SPAM1: variants seen among roughly 807,000 people sequenced by gnomAD.
SPAM1 encodes sperm adhesion molecule 1.
In SPAM1, 22 loss-of-function variants were observed where a neutral mutation model predicts 29.6. The observed-to-expected ratio is 0.74, with a 90% CI of 0.53 to 1.06. The LOEUF (loss-of-function observed/expected upper bound fraction) is 1.06, where lower values mean the gene tolerates loss of function less well. Ranked by LOEUF, SPAM1 falls within the 50% of genes least tolerant of loss-of-function variation. The pLI, the probability that SPAM1 is intolerant of heterozygous loss-of-function variation, is 0.00. For missense variants in SPAM1, 534 were observed against 604.0 expected (o/e 0.88, Z 1.21); for synonymous variants, 194 against 204.6 (o/e 0.95, Z 0.44).
chr7:123,929,608 C>T (rs2117016197), intron 1 of SPAM1, among the ~76,000 whole-genome samples: 1 of 152,118 alleles, frequency 6.6e-6, no homozygotes, highest in East Asian at 1.9e-4. Flanking sequence ...GTCCAGAGGA[C>T]ATGAATTCTT....
chr7:123,970,936 G>A (rs982343757), intron 6 of SPAM1: 10 of 151,920 alleles, frequency 6.6e-5, no homozygotes, highest in African/African-American at 1.9e-4. Flanking sequence ...TTTGAACTCA[G>A]TTTTAAAATT....
intron 6 of SPAM1, chr7:123,970,323 A>T: frequency 6.7e-7 from 1 of 1,500,286 alleles, no homozygotes; most frequent in Non-Finnish European, 9.0e-7. Context: ...TGTGTCTTCC[A>T]TATGTTTCTG....
At chr7:123,940,203 AT>A (rs1339447045) in intron 1 of SPAM1, among the ~76,000 whole-genome samples, 3 of 152,020 alleles carry the variant, frequency 2.0e-5, no homozygotes, top group African/African-American at 4.8e-5. Flanking sequence ...GTTTAGTGAA[AT>A]TTAAAGTATA....
At chr7:123,932,033 A>G (rs561480224) in intron 1 of SPAM1, 1 of 152,314 alleles carries the variant, frequency 6.6e-6, no homozygotes, top group East Asian at 1.9e-4. Flanking sequence ...AATGACACAA[A>G]AGACAGAGAC....
chr7:123,959,770 AG>A lies in SPAM1; in HGVS notation c.1333del (p.Glu445ArgfsTer5). 1 of 1,613,256 alleles carries A rather than the reference AG, an allele frequency of 6.2e-7. No individual in the cohort carries two copies. Among genetic ancestry groups the A allele is most frequent in the African/African-American group, 1.3e-5 (1 of 74,990 alleles). ...AGCTGTTATAGCACCTTGAGTTGTA[AG>A]GAGAAAGCTGATGTAAAAGACACTG... ...YCSCYSTLSCKEKADVKDTDA... is the reference protein window; with the variant it reads ...YCSCYSTLSCXEKADVKDTDA... On this transcript the variant is annotated frameshift_variant, in exon 5 of 5. Transcript: ENST00000682466. LOFTEE classifies it low-confidence loss of function (END_TRUNC).
intron 5 of SPAM1, among the ~76,000 whole-genome samples, chr7:123,965,508 A>G (rs7797413): frequency 0.2 from 30,978 of 151,914 alleles, 4,032 homozygotes; most frequent in African/African-American, 0.37. Context: ...TCCAGTTTCA[A>G]TTTTCTGCAT....
intron 1 of SPAM1, among the ~76,000 whole-genome samples, chr7:123,938,710 T>C (rs1340463320): frequency 6.6e-6 from 1 of 152,226 alleles, no homozygotes; most frequent in Non-Finnish European, 1.5e-5. Flanking sequence ...GTCATCTGAC[T>C]GGTCGAGAGA....
At chr7:123,930,460 C>T (rs1445087791) in intron 1 of SPAM1, among the ~76,000 whole-genome samples, 1 of 152,142 alleles carries the variant, frequency 6.6e-6, no homozygotes, top group Non-Finnish European at 1.5e-5. Flanking sequence ...TCCAAAAAGC[C>T]ACTCCCAAAA....
At chr7:123,944,488 G>A (rs1321559042) in intron 1 of SPAM1, among the ~76,000 whole-genome samples, 1 of 152,090 alleles carries the variant, frequency 6.6e-6, no homozygotes, top group Non-Finnish European at 1.5e-5. Context: ...TGTAAAATCT[G>A]TTTGTTAGGC....
intron 4 of SPAM1, among the ~76,000 whole-genome samples, chr7:123,959,228 G>A (rs1431132191): frequency 6.6e-6 from 1 of 152,046 alleles, no homozygotes; most frequent in Non-Finnish European, 1.5e-5. Context: ...AATTACAGAG[G>A]ACGAGCAAGG....
intron 2 of SPAM1, among the ~76,000 whole-genome samples, chr7:123,951,096 T>G (rs1385789883): frequency 6.6e-6 from 1 of 152,160 alleles, no homozygotes; most frequent in Non-Finnish European, 1.5e-5. Context: ...GCCCACTTTT[T>G]AATTGGGTTG....
intron 1 of SPAM1, chr7:123,947,602 AC>A (rs1372159122): frequency 1.8e-4 from 27 of 152,164 alleles, no homozygotes; most frequent in African/African-American, 6.1e-4. Flanking sequence ...ACACACACAC[AC>A]ACACACACAC....
chr7:123,954,914 A>G, intron 3 of SPAM1, 83 bp from the exon 4 acceptor site: 1 of 838,980 alleles, frequency 1.2e-6, no homozygotes, highest in Non-Finnish European at 2.1e-6. Flanking sequence ...TTGGGTCAGC[A>G]TGCTTAGCTT....
chr7:123,970,173 T>G, intron 5 of SPAM1: 1 of 1,547,358 alleles, frequency 6.5e-7, no homozygotes. Flanking sequence ...CAACAGAAAT[T>G]AATTTTCTTA....
At chr7:123,944,045 A>C (rs1009671682) in intron 1 of SPAM1, among the ~76,000 whole-genome samples, 4 of 152,166 alleles carry the variant, frequency 2.6e-5, no homozygotes, top group Non-Finnish European at 2.9e-5. Context: ...ACAGGAGTCC[A>C]TATTCTGGTC....
intron 1 of SPAM1, among the ~76,000 whole-genome samples, chr7:123,946,570 G>A (rs1340029602): frequency 6.6e-6 from 1 of 152,152 alleles, no homozygotes; most frequent in South Asian, 2.1e-4. Flanking sequence ...AAGTAGGTTA[G>A]GGTACAGCTT....
At chr7:123,932,979 C>T (rs144856302) in intron 1 of SPAM1, among the ~76,000 whole-genome samples, 1 of 151,760 alleles carries the variant, frequency 6.6e-6, no homozygotes, top group East Asian at 1.9e-4. Context: ...GTGGCTGAGG[C>T]TCATGAATTG....
intron 2 of SPAM1, among the ~76,000 whole-genome samples, chr7:123,952,186 G>T (rs1792110909): frequency 6.6e-6 from 1 of 152,008 alleles, no homozygotes; most frequent in South Asian, 2.1e-4. Context: ...AGAATATTTA[G>T]CTACTTTATA....
At chr7:123,969,677 C>T (rs557040447) in intron 5 of SPAM1, among the ~76,000 whole-genome samples, 26 of 151,674 alleles carry the variant, frequency 1.7e-4, no homozygotes, top group Non-Finnish European at 3.1e-4. Flanking sequence ...ACCATGCTCT[C>T]TCTTTTGGTT....
Sources: allele counts gnomAD v4.1 joint callset (sites outside exome capture counted in the v4.1 genomes callset), GRCh38; gene constraint gnomAD v4.1.1; transcripts MANE v1.5; gene names NCBI Gene and HGNC (gene_info 2026-07-23, HGNC 2026-07-21).